Variants in NT5DC1 observed in about 807,000 individuals in gnomAD.
NT5DC1 encodes 5'-nucleotidase domain-containing protein 1.
Under a neutral mutation model 59.4 loss-of-function variants are expected in NT5DC1, and 42 were observed. The observed-to-expected ratio is 0.71, with a 90% confidence interval of 0.55 to 0.92. The LOEUF (loss-of-function observed/expected upper bound fraction) is 0.92, where lower values mean the gene tolerates loss of function less well. NT5DC1 is among the 40% of genes least tolerant of loss of function. The pLI is 0.00. For missense variants in NT5DC1, 501 were observed against 537.1 expected (o/e 0.93, Z 0.66); for synonymous variants, 172 against 188.1 (o/e 0.91, Z 0.70).
chr6:116,161,176 A>G lies in NT5DC1; in HGVS notation c.529+43231A>G, dbSNP rs1272029443. Among the ~76,000 whole-genome samples, 8 of 119,756 alleles carry G rather than the reference A, an allele frequency of 6.7e-5. No individual in the cohort carries two copies. The East Asian group carries it at 2.1e-3, about 31-fold the overall frequency. 78.6% of individuals were successfully genotyped at this position (119,756 alleles called of 152,430 possible). ...TGGACACAGGAAGGGGAACATCACA[A>G]TCTGGGGACTGTTGTGGGGTGGGGG... On this transcript the variant is annotated intron_variant, in intron 6 of 11. Coordinates refer to ENST00000319550, the MANE Select transcript of NT5DC1 (RefSeq NM_152729.3).
intron 6 of NT5DC1, among the ~76,000 whole-genome samples, chr6:116,181,855 A>G (rs940528894): frequency 6.6e-6 from 1 of 152,194 alleles, no homozygotes; most frequent in Non-Finnish European, 1.5e-5. Context: ...GTGCAATTCC[A>G]ACCAAAATTT....
intron 6 of NT5DC1, among the ~76,000 whole-genome samples, chr6:116,129,931 C>A (rs1300402003): frequency 1.3e-5 from 2 of 152,156 alleles, no homozygotes; most frequent in Non-Finnish European, 2.9e-5. Context: ...CACTCACACA[C>A]AGATACAGCA....
chr6:116,232,429 T>C (rs1319855130), intron 8 of NT5DC1, among the ~76,000 whole-genome samples: 1 of 152,038 alleles, frequency 6.6e-6, no homozygotes, highest in Non-Finnish European at 1.5e-5. Flanking sequence ...TATTCGTATT[T>C]GCTTTTATAT....
intron 6 of NT5DC1, among the ~76,000 whole-genome samples, chr6:116,194,785 A>G (rs767616143): frequency 1.3e-5 from 2 of 152,080 alleles, no homozygotes; most frequent in Non-Finnish European, 2.9e-5. Context: ...TTTTGGGTAC[A>G]ATGCTGAAGT....
rs550412381 is a variant in NT5DC1, at chr6:116,167,614, T to G, written c.529+49669T>G. On this transcript the variant is annotated intron_variant, in intron 6 of 11. Coordinates refer to ENST00000319550, the MANE Select transcript of NT5DC1 (RefSeq NM_152729.3). ...GCAATATTTTATAAATTGACAGGCA[T>G]TTTTTACTTCCTTCTTTTCTTACCC... Among the ~76,000 whole-genome samples the G allele has an allele frequency of 1.3e-4, 20 of 152,340 alleles. 1 individual carries two copies. The highest frequency in any genetic ancestry group is 1.3e-3 in the Admixed American group (20 of 15,310).
intron 8 of NT5DC1, among the ~76,000 whole-genome samples, chr6:116,235,552 T>A (rs938663696): frequency 2.0e-5 from 3 of 152,246 alleles, no homozygotes; most frequent in Non-Finnish European, 4.4e-5. Context: ...TTGTTTAAAA[T>A]ATCTGAGGTT....
intron 11 of NT5DC1, among the ~76,000 whole-genome samples, chr6:116,241,758 CCAAAAATA>C (rs1434350376): frequency 2.7e-5 from 4 of 150,006 alleles, no homozygotes; most frequent in African/African-American, 4.9e-5. Flanking sequence ...CCCGTCTCTA[CCAAAAATA>C]CAAAAAATTA....
chr6:116,206,497 A>G (rs1781453978), intron 6 of NT5DC1, among the ~76,000 whole-genome samples: 1 of 151,982 alleles, frequency 6.6e-6, no homozygotes, highest in Non-Finnish European at 1.5e-5. Flanking sequence ...GGAACACTGG[A>G]GACCATATCC....
At position 116,176,807 on chromosome 6, in the gene NT5DC1, CT is replaced by C. The variant is rs758000369; in HGVS notation, c.530-44246del. On this transcript the variant is annotated intron_variant, in intron 6 of 11. Transcript: ENST00000319550. The stretch of plus-strand genomic sequence containing the variant: ...GGGCTAGGAGGATTTGTTGTTCCCC[CT>C]AGAGGGACAGATACATCCCAAGTCT... 3.9e-5 allele frequency among the ~76,000 whole-genome samples: 6 copies of C among 152,120 alleles called. No individual in the cohort carries two copies. The East Asian group carries it at 7.7e-4, about 20-fold the overall frequency.
intron 3 of NT5DC1, among the ~76,000 whole-genome samples, chr6:116,109,100 G>A (rs1365888615): frequency 1.3e-5 from 2 of 152,290 alleles, no homozygotes; most frequent in Admixed American, 1.3e-4. Flanking sequence ...ACCAGGGAGG[G>A]AGCATCTGTT....
rs188463601 is a variant in NT5DC1 at position 116,134,945 on chromosome 6, C to A, written c.529+17000C>A. Among the ~76,000 whole-genome samples, 3 of 152,242 alleles carry A rather than the reference C, an allele frequency of 2.0e-5. No homozygotes were observed. In the East Asian group the frequency reaches 5.8e-4, roughly 29 times the overall value. ...GAATCTTGGGAGTTTAGAGAGATTT[C>A]TTTAAATATCTCAGAAACCTGAACT... On this transcript the variant is annotated intron_variant, in intron 6 of 11. Coordinates refer to ENST00000319550, the MANE Select transcript of NT5DC1 (RefSeq NM_152729.3).
chr6:116,160,080 G>A (rs1326270409), intron 6 of NT5DC1, among the ~76,000 whole-genome samples: 1 of 152,102 alleles, frequency 6.6e-6, no homozygotes, highest in Non-Finnish European at 1.5e-5. Flanking sequence ...AAACATATAA[G>A]TACAGGTATC....
intron 6 of NT5DC1, among the ~76,000 whole-genome samples, chr6:116,163,687 AGTTT>A (rs1209160382): frequency 6.6e-6 from 1 of 151,844 alleles, no homozygotes; most frequent in Non-Finnish European, 1.5e-5. Context: ...TTGTTTTTCT[AGTTT>A]GTTAGGTACA....
chr6:116,177,188 A>G (rs955115217), intron 6 of NT5DC1, among the ~76,000 whole-genome samples: 1 of 152,284 alleles, frequency 6.6e-6, no homozygotes, highest in Admixed American at 6.5e-5. Flanking sequence ...TTCGTTTCCA[A>G]CAAATTCTCA....
intron 6 of NT5DC1, chr6:116,120,398 T>G (rs746777252): frequency 6.2e-7 from 1 of 1,614,246 alleles, no homozygotes; most frequent in Non-Finnish European, 8.5e-7. Flanking sequence ...ATACAAAATT[T>G]TATCAAATGG....
intron 6 of NT5DC1, among the ~76,000 whole-genome samples, chr6:116,165,129 G>A (rs1448546444): frequency 1.4e-5 from 2 of 146,960 alleles, no homozygotes; most frequent in Non-Finnish European, 3.0e-5. Context: ...TTATTGGCTG[G>A]CATTATTTTT....
intron 6 of NT5DC1, among the ~76,000 whole-genome samples, chr6:116,158,288 C>G (rs532206530): frequency 6.6e-6 from 1 of 151,830 alleles, no homozygotes; most frequent in Admixed American, 6.6e-5. Flanking sequence ...CAAACAATAG[C>G]TTTCTTGTTA....
chr6:116,158,213 A>G (rs2114418354), intron 6 of NT5DC1, among the ~76,000 whole-genome samples: 1 of 152,208 alleles, frequency 6.6e-6, no homozygotes, highest in African/African-American at 2.4e-5. Context: ...GATGTTTAGT[A>G]TTACAAGTGA....
intron 6 of NT5DC1, among the ~76,000 whole-genome samples, chr6:116,207,931 A>G (rs959001196): frequency 6.6e-6 from 1 of 151,952 alleles, no homozygotes; most frequent in African/African-American, 2.4e-5. Context: ...AGTTTAGCAT[A>G]GTGTATACAT....
Sources: gnomAD v4.1 joint callset for allele counts (sites outside exome capture counted in the v4.1 genomes callset) on GRCh38, gnomAD v4.1.1 for gene constraint, MANE v1.5 for transcripts, NCBI Gene and HGNC (gene_info 2026-07-23, HGNC 2026-07-21) for gene names.